The following RALYL variants were observed in gnomAD, a reference collection of about 807,000 sequenced individuals.
The protein encoded by RALYL is RNA-binding Raly-like protein.
A neutral mutation model predicts 35.1 loss-of-function variants in RALYL; 29 were observed. The ratio of observed to expected loss-of-function variants is 0.83; its 90% CI spans 0.61 to 1.13. RALYL has a LOEUF of 1.13. Ranked by LOEUF, RALYL falls within the 50% of genes most tolerant of loss-of-function variation. The pLI is 0.00. For synonymous variants in RALYL, 120 were observed against 127.6 expected (o/e 0.94, Z 0.40); for missense variants, 359 against 360.4 (o/e 1.00, Z 0.03).
At chr8:84,706,739 G>A (rs1283929761) in intron 2 of RALYL, among the ~76,000 whole-genome samples, 1 of 152,080 alleles carries the variant, frequency 6.6e-6, no homozygotes, top group Non-Finnish European at 1.5e-5. Context: ...AAAGCTATCA[G>A]GATCTTGCTA....
chr8:84,425,560 A>G (rs1437395611), intron 1 of RALYL, among the ~76,000 whole-genome samples: 1 of 152,188 alleles, frequency 6.6e-6, no homozygotes, highest in African/African-American at 2.4e-5. Flanking sequence ...CTATTCGGCC[A>G]TCTTGGCTCC....
chr8:84,319,678 T>C (rs896593115), intron 1 of RALYL, among the ~76,000 whole-genome samples: 1 of 152,094 alleles, frequency 6.6e-6, no homozygotes, highest in Non-Finnish European at 1.5e-5. Flanking sequence ...TAAGTGTAAG[T>C]AAAGCTTTCA....
At chr8:84,609,684 C>T (rs1411904636) in intron 2 of RALYL, among the ~76,000 whole-genome samples, 1 of 152,120 alleles carries the variant, frequency 6.6e-6, no homozygotes, top group Admixed American at 6.6e-5. Flanking sequence ...GCTCTGCATA[C>T]AGTTTCTTCT....
chr8:84,916,901 T>C (rs11775584), intron 8 of RALYL, among the ~76,000 whole-genome samples: 45,710 of 152,000 alleles, frequency 0.3, 7,363 homozygotes, highest in East Asian at 0.61. Flanking sequence ...ATAATACTTA[T>C]AGGAAAAGTT....
chr8:84,704,284 G>C (rs1840739494), intron 2 of RALYL, among the ~76,000 whole-genome samples: 1 of 152,010 alleles, frequency 6.6e-6, no homozygotes, highest in Admixed American at 6.6e-5. Context: ...AATTAGCTGG[G>C]CGTGGTGGCA....
intron 1 of RALYL, among the ~76,000 whole-genome samples, chr8:84,442,374 C>A (rs1352076584): frequency 1.3e-5 from 2 of 152,110 alleles, no homozygotes; most frequent in African/African-American, 4.8e-5. Flanking sequence ...AAATGCCGTA[C>A]ATAGAGTCTA....
At chr8:84,467,032 TTTTTTTC>T (rs1299116018) in intron 1 of RALYL, among the ~76,000 whole-genome samples, 1 of 152,172 alleles carries the variant, frequency 6.6e-6, no homozygotes, top group Non-Finnish European at 1.5e-5. Context: ...TTCTTCTCTC[TTTTTTTC>T]TTTGTTAGTC....
At chr8:84,803,383 A>T (rs1160972726) in intron 3 of RALYL, among the ~76,000 whole-genome samples, 1 of 152,168 alleles carries the variant, frequency 6.6e-6, no homozygotes, top group African/African-American at 2.4e-5. Context: ...TTATAAAGCA[A>T]ATATATCCAA....
At chr8:84,869,463 T>C (rs112250484) in intron 6 of RALYL, among the ~76,000 whole-genome samples, 3 of 152,342 alleles carry the variant, frequency 2.0e-5, no homozygotes, top group African/African-American at 7.2e-5. Flanking sequence ...TTTTCAGTTT[T>C]CTAAATAGTT....
At chr8:84,392,048 T>G (rs1265879797) in intron 1 of RALYL, among the ~76,000 whole-genome samples, 1 of 152,058 alleles carries the variant, frequency 6.6e-6, no homozygotes, top group Non-Finnish European at 1.5e-5. Flanking sequence ...GAACATTTAA[T>G]CAGCAAGAAC....
intron 6 of RALYL, 97 bp from the exon 7 acceptor site, chr8:84,873,187 A>G: frequency 1.7e-6 from 1 of 592,462 alleles, no homozygotes; most frequent in Non-Finnish European, 3.0e-6. Context: ...GATTTGACAC[A>G]GACTTGAGAA....
chr8:84,336,840 G>A (rs911646196), intron 1 of RALYL, among the ~76,000 whole-genome samples: 3 of 151,886 alleles, frequency 2.0e-5, no homozygotes, highest in South Asian at 2.1e-4. Context: ...TCTATGATGC[G>A]CAATGTAGTG....
chr8:84,709,490 A>AT (rs1841789982), intron 2 of RALYL, among the ~76,000 whole-genome samples: 1 of 152,164 alleles, frequency 6.6e-6, no homozygotes, highest in Admixed American at 6.6e-5. Flanking sequence ...AATATGTTTA[A>AT]TAAAAACAAA....
chr8:84,285,711 T>G (rs1260715868), intron 1 of RALYL, among the ~76,000 whole-genome samples: 1 of 152,126 alleles, frequency 6.6e-6, no homozygotes, highest in Admixed American at 6.5e-5. Flanking sequence ...GGTAAAAGCA[T>G]GCCTAACATG....
chr8:84,916,120 G>A (rs1274186297), intron 8 of RALYL, among the ~76,000 whole-genome samples: 2 of 151,806 alleles, frequency 1.3e-5, no homozygotes, highest in African/African-American at 2.4e-5. Context: ...AAAGGAAAAG[G>A]AAAAAGGAGG....
intron 4 of RALYL, among the ~76,000 whole-genome samples, chr8:84,813,071 C>T (rs948970553): frequency 1.3e-5 from 2 of 152,174 alleles, no homozygotes; most frequent in African/African-American, 4.8e-5. Context: ...GAAGACCCAG[C>T]GAGCTCCCGG....
In RALYL at chr8:84,401,637, CAAAAAAA is replaced by C. The variant is rs71271985; in HGVS notation, c.-23-127637_-23-127631del. Among the ~76,000 whole-genome samples, 8 of 17,420 alleles carry C rather than the reference CAAAAAAA, an allele frequency of 4.6e-4. 1 individual carries two copies. The South Asian group carries it at 0.023, about 50-fold the overall frequency. The allele number at this position is 17,420 out of a possible 152,430, so 11.4% of individuals were successfully genotyped here. A position where few individuals can be genotyped will look rare whatever the true frequency, so the allele number is the denominator to read the frequency against. ...TGGGCGAAAGAGCTAGACTCTGTCT[CAAAAAAA>C]AAAAAAAAAAAAAAAAAAAAAAAAG... On this transcript the variant is annotated intron_variant, in intron 1 of 8. Coordinates refer to ENST00000521268, the MANE Select transcript of RALYL (RefSeq NM_173848.7).
At chr8:84,469,642 C>T (rs1183861521) in intron 1 of RALYL, among the ~76,000 whole-genome samples, 1 of 152,202 alleles carries the variant, frequency 6.6e-6, no homozygotes, top group African/African-American at 2.4e-5. Context: ...GAAAGCAGGC[C>T]TCCTTGAGCT....
chr8:84,660,241 CAAT>C (rs1830658035), intron 2 of RALYL, among the ~76,000 whole-genome samples: 1 of 151,972 alleles, frequency 6.6e-6, no homozygotes, highest in African/African-American at 2.4e-5. Flanking sequence ...TGAATTTTCT[CAAT>C]AATGATATAT....
Sources: allele counts gnomAD v4.1 joint callset (sites outside exome capture counted in the v4.1 genomes callset), GRCh38; gene constraint gnomAD v4.1.1; transcripts MANE v1.5; gene names NCBI Gene and HGNC (gene_info 2026-07-23, HGNC 2026-07-21).